FSTL1: variants seen among roughly 807,000 people sequenced by gnomAD.
The protein encoded by FSTL1 is follistatin-related protein 1.
In FSTL1, 24 loss-of-function variants were observed where a neutral mutation model predicts 45.9. The ratio of observed to expected loss-of-function variants is 0.52; its 90% CI spans 0.38 to 0.74. The LOEUF is 0.74. Among genes scored for constraint, FSTL1 ranks in the 30% least tolerant of loss-of-function variants. The pLI is 0.00. For missense variants in FSTL1, 340 were observed against 381.8 expected (o/e 0.89, Z 0.91); for synonymous variants, 120 against 137.6 (o/e 0.87, Z 0.89).
At chr3:120,403,706 C>G (rs1936875610) in intron 7 of FSTL1, among the ~76,000 whole-genome samples, 1 of 151,836 alleles carries the variant, frequency 6.6e-6, no homozygotes, top group South Asian at 2.1e-4. Flanking sequence ...GTCAAGTCAA[C>G]CAAACTAGGA....
At chr3:120,411,486 T>G (rs1282125881) in intron 4 of FSTL1, among the ~76,000 whole-genome samples, 1 of 152,204 alleles carries the variant, frequency 6.6e-6, no homozygotes, top group Non-Finnish European at 1.5e-5. Context: ...GTGCCCAAAT[T>G]AAAAAGCATG....
At chr3:120,434,815 G>A (rs1185099417) in intron 2 of FSTL1, among the ~76,000 whole-genome samples, 1 of 152,150 alleles carries the variant, frequency 6.6e-6, no homozygotes, top group Non-Finnish European at 1.5e-5. Flanking sequence ...TACCTTGTGG[G>A]AGGCACCTTT....
rs755932324 is a variant in FSTL1, at chr3:120,399,884, T to C, written c.881A>G (p.Gln294Arg). The C allele has an allele frequency of 4.5e-5, 72 of 1,599,180 alleles. No individual in the cohort carries two copies. The highest frequency in any genetic ancestry group is 5.9e-5 in the Non-Finnish European group (69 of 1,170,712). Residue 294 changes from glutamine to arginine, a missense_variant and splice_region_variant, in exon 10 of 11, where the codon CAG (glutamine) becomes CGG (arginine). Coordinates refer to ENST00000295633, the MANE Select transcript of FSTL1 (RefSeq NM_007085.5). ...ACCAGCACGGAGGCTGCCACTCACCTGATGCTTTTGGAGCTCCTGGACATA... is the reference window on the plus strand; with the variant it reads ...ACCAGCACGGAGGCTGCCACTCACCCGATGCTTTTGGAGCTCCTGGACATA... ...TRYVQELQKH[Q>R]ETAEKTKRVS...
chr3:120,427,872 G>T (rs186963716), intron 2 of FSTL1, among the ~76,000 whole-genome samples: 1 of 152,306 alleles, frequency 6.6e-6, no homozygotes, highest in East Asian at 1.9e-4. Flanking sequence ...GCAAAATTGG[G>T]TGAGATTTCT....
At chr3:120,432,312 G>A (rs539136688) in intron 2 of FSTL1, among the ~76,000 whole-genome samples, 2 of 152,174 alleles carry the variant, frequency 1.3e-5, no homozygotes, top group South Asian at 2.1e-4. Context: ...TTCCTGCCTT[G>A]CATTCTTTCC....
At chr3:120,438,595 C>G (rs1937594939) in intron 2 of FSTL1, 1 of 152,176 alleles carries the variant, frequency 6.6e-6, no homozygotes, top group South Asian at 2.1e-4. Context: ...ATCAAATATC[C>G]CAATTCCATT....
chr3:120,421,027 G>A (rs926111383), intron 2 of FSTL1: 2 of 152,238 alleles, frequency 1.3e-5, no homozygotes, highest in Non-Finnish European at 2.9e-5. Flanking sequence ...CAGTAGAGGT[G>A]ATCGTGCATC....
At chr3:120,397,385 G>A (rs987639627) in intron 10 of FSTL1, among the ~76,000 whole-genome samples, 1 of 152,186 alleles carries the variant, frequency 6.6e-6, no homozygotes, top group Non-Finnish European at 1.5e-5. Flanking sequence ...CTTCAACCAT[G>A]GCTGTGCTAC....
Position 120,450,715 on chromosome 3 carries a change from GCGAGC to G in FSTL1, c.27_31del (p.Leu10AlafsTer45). 6.4e-7 allele frequency: 1 copy of G among 1,555,560 alleles called. No homozygotes were observed. Among genetic ancestry groups the G allele is most frequent in the Non-Finnish European group, 8.6e-7 (1 of 1,156,578 alleles). On this transcript the variant is annotated frameshift_variant, in exon 2 of 11. Transcript: ENST00000295633. LOFTEE classifies it high-confidence loss of function. ...GCGGACCCAGGCGACCGCCACCAGC[GCGAGC>G]GCGAGCGCGAGCCAGCGTTTCCACA...
intron 6 of FSTL1, among the ~76,000 whole-genome samples, chr3:120,407,929 T>C (rs1936977865): frequency 6.6e-6 from 1 of 152,154 alleles, no homozygotes. Context: ...TGGAGATGTG[T>C]TGAGGGGAAT....
chr3:120,429,863 C>A (rs138513908), intron 2 of FSTL1, among the ~76,000 whole-genome samples: 1 of 152,296 alleles, frequency 6.6e-6, no homozygotes, highest in East Asian at 1.9e-4. Flanking sequence ...TCATTTCACA[C>A]TTTGTCACCT....
intron 2 of FSTL1, among the ~76,000 whole-genome samples, chr3:120,443,291 G>T (rs1384604194): frequency 6.7e-6 from 1 of 149,162 alleles, no homozygotes; most frequent in Non-Finnish European, 1.5e-5. Context: ...GGGAATTTCT[G>T]CTAAAGCCTT....
rs532135235 is a variant in FSTL1 at position 120,426,024 on chromosome 3, C to T, written c.64-9997G>A. Among the ~76,000 whole-genome samples the T allele has an allele frequency of 4.6e-5, 7 of 152,268 alleles. No homozygotes were observed. In the South Asian group the frequency reaches 1.2e-3, roughly 27 times the overall value. ...AGAAAGGCTAAAGGAAATTCACATG[C>T]GATTCACAATTCTTCATTCCTGCCA... On this transcript the variant is annotated intron_variant, in intron 2 of 10. Coordinates refer to ENST00000295633, the MANE Select transcript of FSTL1 (RefSeq NM_007085.5).
chr3:120,445,351 TG>T, intron 2 of FSTL1, among the ~76,000 whole-genome samples: 3 of 149,876 alleles, frequency 2.0e-5, no homozygotes, highest in Middle Eastern at 6.8e-3. Flanking sequence ...GGTTTGCTGT[TG>T]TTAAAACATG....
At chr3:120,400,850 C>T (rs2107649240) in intron 9 of FSTL1, among the ~76,000 whole-genome samples, 1 of 152,302 alleles carries the variant, frequency 6.6e-6, no homozygotes, top group African/African-American at 2.4e-5. Context: ...TGCTCAGGCC[C>T]CTGGGGCACC....
At chr3:120,403,882 C>T (rs1242681355) in intron 7 of FSTL1, among the ~76,000 whole-genome samples, 2 of 134,142 alleles carry the variant, frequency 1.5e-5, no homozygotes, top group African/African-American at 2.8e-5. Flanking sequence ...GATCCCGCCA[C>T]TGCACTCCAG....
At chr3:120,421,972 A>T (rs1290260198) in intron 2 of FSTL1, among the ~76,000 whole-genome samples, 1 of 152,258 alleles carries the variant, frequency 6.6e-6, no homozygotes, top group Admixed American at 6.5e-5. Flanking sequence ...AATTAGCTTC[A>T]TGGTAATCCA....
intron 2 of FSTL1, among the ~76,000 whole-genome samples, chr3:120,432,576 A>C (rs1937497977): frequency 1.3e-5 from 2 of 152,142 alleles, no homozygotes; most frequent in South Asian, 2.1e-4. Context: ...CTCTACACAA[A>C]AATGTACTAG....
At position 120,415,973 on chromosome 3, in the gene FSTL1, G is replaced by A. The variant is rs1179962378; in HGVS notation, c.118C>T (p.Arg40Trp). The A allele has an allele frequency of 2.5e-6, 4 of 1,613,916 alleles. No homozygotes were observed. The highest frequency in any genetic ancestry group is 2.5e-6 in the Non-Finnish European group (3 of 1,179,838). The change falls in exon 3 of 11, where the codon CGG becomes TGG. Residue 40 changes from arginine (R) to tryptophan (W), a missense_variant. Coordinates refer to ENST00000295633, the MANE Select transcript of FSTL1 (RefSeq NM_007085.5). ...CCTTTCTCTGTGACTGCACATTCCC[G>A]GCCGGCTCCACAAAACACATTGGCA... ...ICANVFCGAG[R>W]ECAVTEKGEP...
Sources: allele counts gnomAD v4.1 joint callset (sites outside exome capture counted in the v4.1 genomes callset), GRCh38; gene constraint gnomAD v4.1.1; transcripts MANE v1.5; gene names NCBI Gene and HGNC (gene_info 2026-07-23, HGNC 2026-07-21).